Variants in ANKMY1 observed in about 807,000 individuals in gnomAD.
The protein encoded by ANKMY1 is ankyrin repeat and MYND domain-containing protein 1.
ANKMY1 carries 98 observed loss-of-function variants against 102.0 expected under a neutral mutation model. The ratio of observed to expected loss-of-function variants is 0.96; its 90% CI spans 0.82 to 1.14. The LOEUF (loss-of-function observed/expected upper bound fraction) is 1.14, where lower values mean the gene tolerates loss of function less well. ANKMY1 is among the 50% of genes most tolerant of loss of function. ANKMY1 has a pLI of 0.00. For synonymous variants in ANKMY1, 582 were observed against 559.9 expected (o/e 1.04, Z -0.56); for missense variants, 1,330 against 1,347.6 (o/e 0.99, Z 0.20).
the ANKMY1 span, among the ~76,000 whole-genome samples, chr2:240,472,624 C>T: frequency 6.6e-6 from 1 of 152,190 alleles, no homozygotes; most frequent in Non-Finnish European, 1.5e-5. Flanking sequence ...TCAATGCCTG[C>T]TCCTTCCCTG....
the ANKMY1 span, among the ~76,000 whole-genome samples, chr2:240,470,254 G>A: frequency 5.9e-5 from 9 of 152,202 alleles, no homozygotes; most frequent in African/African-American, 2.2e-4. Context: ...ATCATGGAAG[G>A]ACCATAACTG....
chr2:240,475,774 T>C (rs943178142), downstream of ANKMY1, among the ~76,000 whole-genome samples: 1 of 151,878 alleles, frequency 6.6e-6, no homozygotes, highest in Non-Finnish European at 1.5e-5. Context: ...TTAGAATATA[T>C]ACTGAATACC....
chr2:240,525,724 G>C lies in ANKMY1; in HGVS notation c.1296C>G (p.Phe432Leu). ...TGGTCCGTTCAGCAACATTGGGCTT[G>C]AAGGACTGGGCGGGGTAGTGGAGGA... Reference protein sequence around the residue: ...CFLLHYPAQSFKPNVAERTIP... With the variant: ...CFLLHYPAQSLKPNVAERTIP... Residue 432 changes from phenylalanine to leucine, a missense_variant, in exon 7 of 18, where the codon TTC (phenylalanine) becomes TTG (leucine). Physicochemically the swap from Phe to Leu is conservative, Grantham distance 22 (BLOSUM62 0). Coordinates refer to ENST00000401804, the MANE Select transcript of ANKMY1 (RefSeq NM_001282771.3). 6.2e-7 allele frequency: 1 copy of C among 1,614,176 alleles called. No individual in the cohort carries two copies. Among genetic ancestry groups the C allele is most frequent in the Non-Finnish European group, 8.5e-7 (1 of 1,180,024 alleles).
At chr2:240,504,401 A>G (rs1480957895) in intron 13 of ANKMY1, among the ~76,000 whole-genome samples, 7 of 152,210 alleles carry the variant, frequency 4.6e-5, no homozygotes, top group Admixed American at 1.3e-4. Flanking sequence ...AAAACACAGG[A>G]AGAAGCTTCA....
chr2:240,472,161 G>A, the ANKMY1 span, among the ~76,000 whole-genome samples: 181 of 150,802 alleles, frequency 1.2e-3, no homozygotes, highest in African/African-American at 4.0e-3. Flanking sequence ...GTCCTGGAGC[G>A]GTCCTGCCCA....
intron 9 of ANKMY1, among the ~76,000 whole-genome samples, chr2:240,513,841 C>T (rs970406898): frequency 3.3e-5 from 5 of 152,252 alleles, no homozygotes; most frequent in African/African-American, 1.2e-4. Context: ...CCAGCAGCGT[C>T]CATACCCAGC....
rs954150045 is a variant in ANKMY1 at position 240,507,000 on chromosome 2, G to C, written c.2526+560C>G. Among the ~76,000 whole-genome samples, 1 of 152,024 alleles carries C rather than the reference G, an allele frequency of 6.6e-6. No individual in the cohort carries two copies. Among genetic ancestry groups the C allele is most frequent in the East Asian group, 1.9e-4 (1 of 5,168 alleles). ...CCCCAAACCCCCGCCCAGCAGCTGC[G>C]TGGACCACTGAGAAAGCCAGAATTG... On this transcript the variant is annotated intron_variant, in intron 13 of 17. Coordinates refer to ENST00000401804, the MANE Select transcript of ANKMY1 (RefSeq NM_001282771.3). This position sits in a 1 kb window ranked among gnomAD's most constrained non-coding sequence, Gnocchi z 4.9.
chr2:240,507,664 C>T lies in ANKMY1; in HGVS notation c.2422G>A (p.Ala808Thr), dbSNP rs1328809544. 4 of 1,609,982 alleles carry T rather than the reference C, an allele frequency of 2.5e-6. No individual in the cohort carries two copies. The highest frequency in any genetic ancestry group is 1.7e-5 in the Admixed American group (1 of 59,652). ...LVVKELLTQG[A>T]DPNLPLTKGL... The stretch of plus-strand genomic sequence containing the variant: ...TTGGTCAGGGGCAGGTTGGGGTCAG[C>T]TCCCTGGGTCAGGAGCTCCTTCACA... Residue 808 changes from alanine (A) to threonine (T), a missense_variant, in exon 13 of 18, where the codon GCT becomes ACT. Ala to Thr is a moderately conservative substitution (Grantham distance 58). Transcript: ENST00000401804.
At chr2:240,560,397 G>A (rs2092860131), upstream of ANKMY1, 1 of 295,380 alleles carries the variant, frequency 3.4e-6, no homozygotes, top group African/African-American at 2.2e-5. Flanking sequence ...GGGGCGGGGA[G>A]GACGGCGCCC....
At chr2:240,504,931 G>C (rs539210087) in intron 13 of ANKMY1, among the ~76,000 whole-genome samples, 2 of 152,292 alleles carry the variant, frequency 1.3e-5, no homozygotes, top group Admixed American at 6.5e-5. Flanking sequence ...AGGTTGCAGT[G>C]AGCAGAGATC....
intron 4 of ANKMY1, among the ~76,000 whole-genome samples, chr2:240,535,802 T>C (rs1431039053): frequency 2.6e-5 from 4 of 152,062 alleles, no homozygotes; most frequent in Admixed American, 2.0e-4. Context: ...GCCACTGCAC[T>C]CCAGCCTGGG....
At chr2:240,543,307 C>T (rs926128992) in intron 4 of ANKMY1, among the ~76,000 whole-genome samples, 3 of 150,728 alleles carry the variant, frequency 2.0e-5, no homozygotes, top group Admixed American at 6.6e-5. Flanking sequence ...GAGCCGAGAC[C>T]GTACCACTGC....
Position 240,520,141 on chromosome 2 carries a change from C to A in ANKMY1, c.2004+221G>T. Reference sequence around the variant, plus strand: ...AAAAAATCACACGGATCGTGAAGTACTCTAAAAACTAGCTCGGTGTCCAAA... The same window carrying A: ...AAAAAATCACACGGATCGTGAAGTAATCTAAAAACTAGCTCGGTGTCCAAA... On this transcript the variant is annotated intron_variant, in intron 9 of 17. Transcript: ENST00000401804. The surrounding 1 kb of genome is among the most constrained non-coding windows in gnomAD (Gnocchi z 4.8). 1.3e-6 allele frequency: 1 copy of A among 775,630 alleles called. No individual in the cohort carries two copies. Among genetic ancestry groups the A allele is most frequent in the Non-Finnish European group, 2.3e-6 (1 of 441,568 alleles). The allele number at this position is 775,630 out of a possible 1,614,324, so 48.0% of individuals were successfully genotyped here.
At chr2:240,552,760 T>C in intron 4 of ANKMY1, 154 bp downstream of exon 4, 1 of 1,207,956 alleles carries the variant, frequency 8.3e-7, no homozygotes, top group Non-Finnish European at 1.2e-6. Flanking sequence ...TCAGTCTATA[T>C]CCTTATTATT....
intron 15 of ANKMY1, among the ~76,000 whole-genome samples, chr2:240,490,412 A>G (rs2076510673): frequency 6.6e-6 from 1 of 152,134 alleles, no homozygotes; most frequent in Admixed American, 6.6e-5. Context: ...ATTGCTATAA[A>G]ATTCCCCTTA....
At chr2:240,555,334 C>A (rs1300237355) in intron 2 of ANKMY1, 1 of 451,526 alleles carries the variant, frequency 2.2e-6, no homozygotes, top group African/African-American at 1.9e-5. Context: ...CCTGTCCAGC[C>A]CGGGCCTGCT....
rs1267863938 is a variant in ANKMY1 at position 240,529,932 on chromosome 2, G to C, written c.481-423C>G. On this transcript the variant is annotated intron_variant, in intron 4 of 17. Transcript: ENST00000401804. The surrounding 1 kb of genome is among the most constrained non-coding windows in gnomAD (Gnocchi z 4.2). ...GTCAGGTATGACCCAACAAGGGGCAGGAGAAGGAGGAGGAGATAGAGGAAA... is the reference window on the plus strand; with the variant it reads ...GTCAGGTATGACCCAACAAGGGGCACGAGAAGGAGGAGGAGATAGAGGAAA... Among the ~76,000 whole-genome samples the C allele has an allele frequency of 6.6e-6, 1 of 152,046 alleles. No homozygotes were observed. The highest frequency in any genetic ancestry group is 1.5e-5 in the Non-Finnish European group (1 of 68,006).
At chr2:240,481,685 A>G (rs994581119) in intron 16 of ANKMY1, among the ~76,000 whole-genome samples, 2 of 152,204 alleles carry the variant, frequency 1.3e-5, no homozygotes, top group African/African-American at 4.8e-5. Flanking sequence ...ACAAGCATGT[A>G]AAGAGACTGT....
In ANKMY1 at chr2:240,557,952, C is replaced by T. The variant is rs772730299; in HGVS notation, c.-89G>A. 2.0e-6 allele frequency: 2 copies of T among 985,642 alleles called. No homozygotes were observed. Among genetic ancestry groups the T allele is most frequent in the Non-Finnish European group, 2.4e-6 (2 of 830,074 alleles). The allele number at this position is 985,642 out of a possible 1,614,324, so 61.1% of individuals were successfully genotyped here. A position where few individuals can be genotyped will look rare whatever the true frequency, so the allele number is the denominator to read the frequency against. Reference sequence around the variant, plus strand: ...GGACTGCAGCCACCGCGGACGCCCGCGCTCCCGTCCCGACTGCTTGCCAGC... The same window carrying T: ...GGACTGCAGCCACCGCGGACGCCCGTGCTCCCGTCCCGACTGCTTGCCAGC... On this transcript the variant is annotated 5_prime_UTR_variant, in exon 1 of 18. Coordinates refer to ENST00000401804, the MANE Select transcript of ANKMY1 (RefSeq NM_001282771.3).
Sources: allele counts gnomAD v4.1 joint callset (sites outside exome capture counted in the v4.1 genomes callset), GRCh38; gene constraint gnomAD v4.1.1; non-coding constraint Gnocchi (gnomAD v3.1); transcripts MANE v1.5; gene names NCBI Gene and HGNC (gene_info 2026-07-23, HGNC 2026-07-21).